DZIP1: variants seen among roughly 807,000 people sequenced by gnomAD.
DZIP1 encodes cilium assembly protein DZIP1.
A neutral mutation model predicts 107.6 loss-of-function variants in DZIP1; 97 were observed. The ratio of observed to expected loss-of-function variants is 0.90; its 90% CI spans 0.77 to 1.07. The LOEUF (loss-of-function observed/expected upper bound fraction) is 1.07. Ranked by LOEUF, DZIP1 falls within the 50% of genes least tolerant of loss-of-function variation. DZIP1 has a pLI of 0.00. For synonymous variants in DZIP1, 390 were observed against 386.4 expected (o/e 1.01, Z -0.11); for missense variants, 1,035 against 1,063.6 (o/e 0.97, Z 0.37).
At position 95,634,482 on chromosome 13, in the gene DZIP1, G is replaced by A. The variant is rs115531621; in HGVS notation, c.598-1161C>T. 4.4e-3 allele frequency among the ~76,000 whole-genome samples: 663 copies of A among 152,236 alleles called. 9 individuals carry two copies. Among genetic ancestry groups the A allele is most frequent in the African/African-American group, 0.015 (631 of 41,540 alleles). On this transcript the variant is annotated intron_variant, in intron 5 of 22. Coordinates refer to ENST00000376829, the MANE Select transcript of DZIP1 (RefSeq NM_198968.4). ...CCTCTAGCTTTCTCCCCAGAACACA[G>A]GCTTAATATATGAATGAACAAAAGC...
Position 95,584,739 on chromosome 13 carries a change from C to G in DZIP1, c.2521G>C (p.Glu841Gln). ...GAFNPKGPKG[E>Q]GLQENESSTL... ...ATTAGAGGGGAAAGCAGCAAACCTT[C>G]TCCCTTTGGCCCCTTAGGATTAAAT... Residue 841 changes from glutamate (E) to glutamine (Q), a missense_variant, in exon 22 of 23, where the codon GAA (glutamate) becomes CAA (glutamine). Transcript: ENST00000376829. 1 of 1,611,592 alleles carries G rather than the reference C, an allele frequency of 6.2e-7. No homozygotes were observed. The highest frequency in any genetic ancestry group is 8.5e-7 in the Non-Finnish European group (1 of 1,178,956).
At chr13:95,620,153 T>C (rs975366713) in intron 9 of DZIP1, among the ~76,000 whole-genome samples, 5 of 152,116 alleles carry the variant, frequency 3.3e-5, no homozygotes, top group African/African-American at 1.2e-4. Context: ...ATCATGGGGG[T>C]GGACTTCCCC....
At chr13:95,602,985 G>T (rs74109011) in intron 14 of DZIP1, among the ~76,000 whole-genome samples, 2,753 of 152,228 alleles carry the variant, frequency 0.018, 81 homozygotes, top group African/African-American at 0.062. Context: ...TAGAATACTT[G>T]CTTTGAGAAC....
At chr13:95,615,010 T>A (rs752307908) in intron 10 of DZIP1, among the ~76,000 whole-genome samples, 9 of 152,078 alleles carry the variant, frequency 5.9e-5, no homozygotes, top group Non-Finnish European at 7.4e-5. Flanking sequence ...AATTCACCCC[T>A]CTGTTAGGGT....
chr13:95,605,078 A>G (rs889074562), intron 14 of DZIP1, among the ~76,000 whole-genome samples: 1 of 152,224 alleles, frequency 6.6e-6, no homozygotes, highest in Non-Finnish European at 1.5e-5. Context: ...TCGGGAAAAA[A>G]ATAAGGTGCA....
chr13:95,630,851 C>A lies in DZIP1; in HGVS notation c.686-738G>T, dbSNP rs767603265. On this transcript the variant is annotated intron_variant, in intron 6 of 22. Coordinates refer to ENST00000376829, the MANE Select transcript of DZIP1 (RefSeq NM_198968.4). ...TACTCGTTTCAGAGTCTGAAACCCT[C>A]TCTGAAACGAGTATGAGTTAGAATA... The A allele has an allele frequency of 3.4e-5, 25 of 741,314 alleles. No individual in the cohort carries two copies. In the Admixed American group the frequency reaches 3.4e-4, roughly 10 times the overall value. The allele number at this position is 741,314 out of a possible 1,614,324, so 45.9% of individuals were successfully genotyped here.
intron 13 of DZIP1, 60 bp downstream of exon 13, chr13:95,609,397 T>G: frequency 1.8e-6 from 2 of 1,123,848 alleles, no homozygotes; most frequent in East Asian, 5.6e-5. Context: ...GTAAAAGTTA[T>G]GTTTTGGTTT....
At chr13:95,609,609 T>C in intron 12 of DZIP1, 96 bp from the exon 13 acceptor site, 4 of 779,618 alleles carry the variant, frequency 5.1e-6, no homozygotes, top group Non-Finnish European at 5.9e-6. Flanking sequence ...ATAAAAAACA[T>C]AAATGAAATG....
intron 14 of DZIP1, among the ~76,000 whole-genome samples, chr13:95,600,423 G>A (rs959595071): frequency 2.0e-5 from 3 of 152,120 alleles, no homozygotes; most frequent in African/African-American, 7.2e-5. Context: ...AACAGTTACC[G>A]AGTGCTCACC....
At chr13:95,639,590 CAAAA>C (rs34000481) in intron 5 of DZIP1, among the ~76,000 whole-genome samples, 2 of 85,584 alleles carry the variant, frequency 2.3e-5, no homozygotes, top group African/African-American at 4.6e-5. Context: ...GACTCCATCT[CAAAA>C]AAAAAAAAAA....
intron 5 of DZIP1, among the ~76,000 whole-genome samples, chr13:95,636,260 G>C (rs1422784574): frequency 6.6e-6 from 1 of 151,102 alleles, no homozygotes; most frequent in Admixed American, 6.6e-5. Context: ...GCAAGGAATA[G>C]GGCCGGGTGC....
intron 10 of DZIP1, among the ~76,000 whole-genome samples, chr13:95,615,104 C>A (rs1874888499): frequency 6.6e-6 from 1 of 152,168 alleles, no homozygotes; most frequent in African/African-American, 2.4e-5. Context: ...AGTGGTGGCA[C>A]AAATCCGCCC....
At position 95,630,001 on chromosome 13, in the gene DZIP1, G is replaced by T; in HGVS notation, c.798C>A (p.Val266=). 1 of 1,604,430 alleles carries T rather than the reference G, an allele frequency of 6.2e-7. No homozygotes were observed. ...ELEAAHHASA[V]RFSKEYEMQK... ...TTCTGCCTGGTACCTTGGAGAATCT[G>T]ACTGCACTGGCATGGTGTGCAGCCT... is the stretch of plus-strand genomic sequence containing the variant. Residue 266 remains valine (V), a synonymous_variant, in exon 7 of 23, where the codon GTC becomes GTA. Coordinates refer to ENST00000376829, the MANE Select transcript of DZIP1 (RefSeq NM_198968.4).
At chr13:95,611,087 G>A (rs2044988128) in intron 12 of DZIP1, among the ~76,000 whole-genome samples, 1 of 152,216 alleles carries the variant, frequency 6.6e-6, no homozygotes, top group Non-Finnish European at 1.5e-5. Flanking sequence ...AAGTGCCAGA[G>A]ATGGGAGTTG....
chr13:95,639,407 A>T (rs1160190750), intron 5 of DZIP1, among the ~76,000 whole-genome samples: 5 of 152,086 alleles, frequency 3.3e-5, no homozygotes, highest in African/African-American at 1.2e-4. Flanking sequence ...CCTGGCCAAC[A>T]CGGTGAAACC....
chr13:95,641,863 G>A lies in DZIP1; in HGVS notation c.37-8C>T. ...GACATGCTTCTGGAAGGGCTGCGGG[G>A]GGCACAAAGAGAGCGCGGCGGGAGG... On this transcript the variant is annotated splice_polypyrimidine_tract_variant and splice_region_variant and intron_variant, in intron 4 of 22. Coordinates refer to ENST00000376829, the MANE Select transcript of DZIP1 (RefSeq NM_198968.4). The surrounding 1 kb of genome is among the most constrained non-coding windows in gnomAD (Gnocchi z 4.3). 1.4e-6 allele frequency: 2 copies of A among 1,445,732 alleles called. No homozygotes were observed. Among genetic ancestry groups the A allele is most frequent in the African/African-American group, 1.5e-5 (1 of 66,262 alleles). The allele number at this position is 1,445,732 out of a possible 1,614,324, so 89.6% of individuals were successfully genotyped here. A position where few individuals can be genotyped will look rare whatever the true frequency, so the allele number is the denominator to read the frequency against.
chr13:95,640,286 C>T (rs1340629722), intron 5 of DZIP1, among the ~76,000 whole-genome samples: 1 of 152,188 alleles, frequency 6.6e-6, no homozygotes, highest in African/African-American at 2.4e-5. Context: ...GTGTGAGCCA[C>T]TGCACCCGGC....
chr13:95,634,303 C>A (rs1877545164), intron 5 of DZIP1, among the ~76,000 whole-genome samples: 1 of 152,234 alleles, frequency 6.6e-6, no homozygotes, highest in Non-Finnish European at 1.5e-5. Context: ...CCTCAAGATC[C>A]TCCTGCCTGT....
intron 6 of DZIP1, among the ~76,000 whole-genome samples, chr13:95,632,658 C>T (rs1307921661): frequency 6.6e-6 from 1 of 152,136 alleles, no homozygotes; most frequent in Non-Finnish European, 1.5e-5. Context: ...CTCCACCTTA[C>T]GCATATAAAA....
Sources: allele counts gnomAD v4.1 joint callset (sites outside exome capture counted in the v4.1 genomes callset), GRCh38; gene constraint gnomAD v4.1.1; non-coding constraint Gnocchi (gnomAD v3.1); transcripts MANE v1.5; gene names NCBI Gene and HGNC (gene_info 2026-07-23, HGNC 2026-07-21).